Variants in RRP12 observed in about 807,000 individuals in gnomAD.
RRP12 encodes the protein RRP12-like protein.
A neutral mutation model predicts 157.3 loss-of-function variants in RRP12; 78 were observed. The ratio of observed to expected loss-of-function variants is 0.50; its 90% CI spans 0.41 to 0.60. The LOEUF (loss-of-function observed/expected upper bound fraction) is 0.60. RRP12 is among the 20% of genes least tolerant of loss of function. The pLI, the probability that RRP12 is intolerant of heterozygous loss-of-function variation, is 0.00. For synonymous variants in RRP12, 726 were observed against 670.9 expected, an observed-to-expected ratio of 1.08 and a Z score of -1.27; for missense variants, 1,521 against 1,679.9, an observed-to-expected ratio of 0.91 and a Z score of 1.65.
At chr10:97,400,959 C>T in intron 1 of RRP12, 134 bp downstream of exon 1, 2 of 1,120,552 alleles carry the variant, frequency 1.8e-6, no homozygotes, top group Non-Finnish European at 1.2e-6. Flanking sequence ...TCAGAGAGGG[C>T]TCCAGATCCG....
chr10:97,395,360 G>A (rs1347665360), intron 3 of RRP12, among the ~76,000 whole-genome samples: 2 of 150,218 alleles, frequency 1.3e-5, no homozygotes, highest in Non-Finnish European at 3.0e-5. Flanking sequence ...GAGACCAGCC[G>A]GGCCAACATG....
chr10:97,366,183 C>A lies in RRP12; in HGVS notation c.3442G>T (p.Val1148Leu). The A allele has an allele frequency of 6.2e-7, 1 of 1,611,018 alleles. No individual in the cohort carries two copies. The highest frequency in any genetic ancestry group is 1.1e-5 in the South Asian group (1 of 91,050). ...ATGATCAGCCGGCCATCGGCGCTCA[C>A]CTTGAAGCCGTGGTCCTTCTTCCTG... ...RGRKKDHGFK[V>L]SADGRLIIRE... The change falls in exon 29 of 34, where the codon GTG becomes TTG. Residue 1148 changes from valine (V) to leucine (L), a missense_variant. Physicochemically the swap from Val to Leu is conservative, Grantham distance 32 (BLOSUM62 1). Transcript: ENST00000370992.
rs774403968 is a variant in RRP12, at chr10:97,396,201, C to T, written c.453+17G>A. 16 of 1,580,760 alleles carry T rather than the reference C, an allele frequency of 1.0e-5. No individual in the cohort carries two copies. In the Admixed American group the frequency reaches 2.7e-4, roughly 26 times the overall value. On this transcript the variant is annotated intron_variant, in intron 3 of 33. Transcript: ENST00000370992. ...CCTGCTGCTCTGAACACCCACCCTCCAGTGGCACCCACTCACCAGAGCAGC... is the reference window on the plus strand; with the variant it reads ...CCTGCTGCTCTGAACACCCACCCTCTAGTGGCACCCACTCACCAGAGCAGC...
At chr10:97,370,687 C>A (rs772012218) in intron 22 of RRP12, 29 bp downstream of exon 22, 2 of 1,611,522 alleles carry the variant, frequency 1.2e-6, no homozygotes, top group Non-Finnish European at 1.7e-6. Flanking sequence ...TTCCAGGGAC[C>A]CCCCTCTAAA....
rs200201855 is a variant in RRP12 at position 97,380,927 on chromosome 10, G to A, written c.1419-14C>T. Reference sequence around the variant, plus strand: ...TCCTCCACTGCCCTGCCAAGGGGGCGGCACAGTCAGGGCCACGGTCACACC... The same window carrying A: ...TCCTCCACTGCCCTGCCAAGGGGGCAGCACAGTCAGGGCCACGGTCACACC... On this transcript the variant is annotated splice_polypyrimidine_tract_variant and intron_variant, in intron 12 of 33. Transcript: ENST00000370992. 1.0e-4 allele frequency: 167 copies of A among 1,599,604 alleles called. 1 individual carries two copies. The highest frequency in any genetic ancestry group is 4.7e-4 in the Admixed American group (28 of 59,990).
intron 2 of RRP12, among the ~76,000 whole-genome samples, chr10:97,397,593 G>A (rs925223385): frequency 2.0e-5 from 3 of 151,954 alleles, no homozygotes; most frequent in African/African-American, 7.3e-5. Context: ...TTATTCAAAA[G>A]AATGAGAACA....
At position 97,390,801 on chromosome 10, in the gene RRP12, T is replaced by C. The variant is rs1451266174; in HGVS notation, c.574A>G (p.Lys192Glu). The change falls in exon 5 of 34, where the codon AAA becomes GAA. Residue 192 changes from lysine to glutamate, a missense_variant. By Grantham distance (56) the Lys-to-Glu change is moderately conservative. Transcript: ENST00000370992. ...GCTGACATGATATCCATGAAGGCTTTGGAGGTATCAGAGAACTTCTTAATA... is the reference window on the plus strand; with the variant it reads ...GCTGACATGATATCCATGAAGGCTTCGGAGGTATCAGAGAACTTCTTAATA... ...VLIKKFSDTS[K>E]AFMDIMSAQA... The C allele has an allele frequency of 5.0e-6, 8 of 1,613,952 alleles. No individual in the cohort carries two copies. Among genetic ancestry groups the C allele is most frequent in the Non-Finnish European group, 6.8e-6 (8 of 1,179,866 alleles).
At chr10:97,394,337 C>T (rs752000317) in intron 3 of RRP12, among the ~76,000 whole-genome samples, 14 of 151,580 alleles carry the variant, frequency 9.2e-5, no homozygotes, top group Admixed American at 2.0e-4. Flanking sequence ...AGTGAGACTC[C>T]GTCTCAAAAA....
chr10:97,395,574 G>C (rs11189199), intron 3 of RRP12, among the ~76,000 whole-genome samples: 6,322 of 151,330 alleles, frequency 0.042, 221 homozygotes, highest in Non-Finnish European at 0.063. Flanking sequence ...AAGTAGACCA[G>C]GCCTGGTGGC....
At chr10:97,357,681 G>A (rs1049236131) in intron 33 of RRP12, among the ~76,000 whole-genome samples, 1 of 152,174 alleles carries the variant, frequency 6.6e-6, no homozygotes, top group African/African-American at 2.4e-5. Context: ...GACTATGGCT[G>A]GGCGTGGTGG....
chr10:97,358,925 C>A lies in RRP12; in HGVS notation c.3708+18G>T. ...TGTCCAGTGCCAGGAGACCCCATGC[C>A]CTACATGCAGCACTTACCTTGGCCT... is the stretch of plus-strand genomic sequence containing the variant. On this transcript the variant is annotated intron_variant, in intron 32 of 33. Transcript: ENST00000370992. 1 of 1,607,822 alleles carries A rather than the reference C, an allele frequency of 6.2e-7. No individual in the cohort carries two copies. Among genetic ancestry groups the A allele is most frequent in the South Asian group, 1.1e-5 (1 of 90,970 alleles).
rs1171659093 is a variant in RRP12, at chr10:97,397,670, A to T, written c.370-1369T>A. 2.0e-5 allele frequency among the ~76,000 whole-genome samples: 3 copies of T among 151,838 alleles called. No individual in the cohort carries two copies. The East Asian group carries it at 5.8e-4, about 29-fold the overall frequency. ...TTGCAGAACAGTGGATAAAAAATAAACTAATCAAGCAGGGCACAATGGCTC... is the reference window on the plus strand; with the variant it reads ...TTGCAGAACAGTGGATAAAAAATAATCTAATCAAGCAGGGCACAATGGCTC... On this transcript the variant is annotated intron_variant, in intron 2 of 33. Coordinates refer to ENST00000370992, the MANE Select transcript of RRP12 (RefSeq NM_015179.4).
intron 10 of RRP12, among the ~76,000 whole-genome samples, chr10:97,384,799 A>G (rs566451791): frequency 5.9e-4 from 89 of 150,636 alleles, no homozygotes; most frequent in African/African-American, 2.0e-3. Flanking sequence ...CAGCCTGGAC[A>G]GAGGCTCTGA....
At chr10:97,370,371 G>A in intron 23 of RRP12, 84 bp downstream of exon 23, 2 of 1,350,342 alleles carry the variant, frequency 1.5e-6, no homozygotes, top group Non-Finnish European at 2.1e-6. Flanking sequence ...CCAGGGCACA[G>A]AGCTCTCCCC....
chr10:97,362,923 G>C (rs1422899493), intron 30 of RRP12, among the ~76,000 whole-genome samples: 1 of 152,224 alleles, frequency 6.6e-6, no homozygotes, highest in East Asian at 1.9e-4. Context: ...GGGGAAGTCT[G>C]TAACACTTCA....
At chr10:97,389,373 G>A (rs1465664966) in intron 6 of RRP12, among the ~76,000 whole-genome samples, 1 of 152,120 alleles carries the variant, frequency 6.6e-6, no homozygotes, top group Non-Finnish European at 1.5e-5. Context: ...GATTACAGCC[G>A]TGAGCCACCG....
intron 30 of RRP12, among the ~76,000 whole-genome samples, chr10:97,362,868 T>C (rs552249195): frequency 1.3e-5 from 2 of 152,300 alleles, no homozygotes; most frequent in South Asian, 2.1e-4. Flanking sequence ...GCAAGGCATA[T>C]GGGCAGACAT....
rs1843769422 is a variant in RRP12 at position 97,358,590 on chromosome 10, G to A, written c.3738C>T (p.Gly1246=). Residue 1246 remains glycine (G), a synonymous_variant, in exon 33 of 34, where the codon GGC becomes GGT. Coordinates refer to ENST00000370992, the MANE Select transcript of RRP12 (RefSeq NM_015179.4). ...GGATGTAGGCATAGGGATCCGGCCG[G>A]CCTTTCTTCTTCACATCACCTTTTG... ...KKAKGDVKKK[G]RPDPYAYIPL... 1 of 1,613,986 alleles carries A rather than the reference G, an allele frequency of 6.2e-7. No homozygotes were observed. The highest frequency in any genetic ancestry group is 8.5e-7 in the Non-Finnish European group (1 of 1,179,964).
Position 97,366,843 on chromosome 10 carries a change from A to T in RRP12, c.3114T>A (p.Ala1038=). Residue 1038 remains alanine, a synonymous_variant, in exon 27 of 34, where the codon GCT becomes GCA. Coordinates refer to ENST00000370992, the MANE Select transcript of RRP12 (RefSeq NM_015179.4). ...CTCGGTGCCTCTTGGCCCGGGCCTC[A>T]GCTTTCCGGATGTTGACCAGGACTC... ...YHRVLVNIRK[A]EARAKRHRAL... 1 of 1,614,106 alleles carries T rather than the reference A, an allele frequency of 6.2e-7. No individual in the cohort carries two copies. Among genetic ancestry groups the T allele is most frequent in the Non-Finnish European group, 8.5e-7 (1 of 1,180,016 alleles).
Sources: gnomAD v4.1 joint callset for allele counts (sites outside exome capture counted in the v4.1 genomes callset) on GRCh38, gnomAD v4.1.1 for gene constraint, MANE v1.5 for transcripts, NCBI Gene and HGNC (gene_info 2026-07-23, HGNC 2026-07-21) for gene names.